The following USP38 variants were observed in gnomAD, a reference collection of about 807,000 sequenced individuals.
USP38 encodes ubiquitin carboxyl-terminal hydrolase 38.
USP38 carries 49 observed loss-of-function variants against 94.3 expected under a neutral mutation model. The observed-to-expected ratio is 0.52, with a 90% CI of 0.41 to 0.66. The LOEUF is 0.66. Ranked by LOEUF, USP38 falls within the 30% of genes least tolerant of loss-of-function variation. The pLI, the probability that USP38 is intolerant of heterozygous loss-of-function variation, is 0.00. For synonymous variants in USP38, 468 were observed against 463.6 expected, an observed-to-expected ratio of 1.01 and a Z score of -0.12; for missense variants, 1,128 against 1,229.4, an observed-to-expected ratio of 0.92 and a Z score of 1.23.
chr4:143,200,064 G>A (rs1443726064), intron 4 of USP38, among the ~76,000 whole-genome samples: 1 of 152,100 alleles, frequency 6.6e-6, no homozygotes, highest in East Asian at 1.9e-4. Context: ...GGATGGTATT[G>A]CCTAGGTTGT....
rs1731209709 is a variant in USP38 at position 143,185,967 on chromosome 4, C to T, written c.517C>T (p.Arg173Ter). 3 of 1,614,154 alleles carry T rather than the reference C, an allele frequency of 1.9e-6. No homozygotes were observed. Among genetic ancestry groups the T allele is most frequent in the Non-Finnish European group, 2.5e-6 (3 of 1,180,038 alleles). The change falls in exon 1 of 10, where the codon CGA (arginine) becomes TGA (stop). Residue 173 changes from arginine to a stop codon, truncating the protein, a stop_gained. Coordinates refer to ENST00000307017, the MANE Select transcript of USP38 (RefSeq NM_032557.6). LOFTEE classifies it high-confidence loss of function. ...LSITFCQQLV[R>*]TIGHFQCVST... ...CATCACGTTCTGTCAACAGCTGGTT[C>T]GAACGATAGGCCATTTCCAGTGCGT...
intron 3 of USP38, among the ~76,000 whole-genome samples, chr4:143,196,577 A>C (rs550732687): frequency 6.6e-6 from 1 of 152,166 alleles, no homozygotes; most frequent in Non-Finnish European, 1.5e-5. Flanking sequence ...TCACAGGCTT[A>C]TCAGTCTCCT....
chr4:143,204,423 T>A lies in USP38; in HGVS notation c.1209+857T>A, dbSNP rs758857356. ...TTTTTTTTTTTTTGGACAGTCTTGC[T>A]CTGTTGCCCAGGCTGAAGTGCAATG... On this transcript the variant is annotated intron_variant, in intron 5 of 9. Coordinates refer to ENST00000307017, the MANE Select transcript of USP38 (RefSeq NM_032557.6). 3.1e-5 allele frequency: 14 copies of A among 452,484 alleles called. 1 individual carries two copies. The highest frequency in any genetic ancestry group is 2.2e-4 in the South Asian group (14 of 64,094). 28.0% of individuals were successfully genotyped at this position (452,484 alleles called of 1,614,324 possible).
Position 143,213,967 on chromosome 4 carries a change from C to A in USP38, c.1991C>A (p.Thr664Lys), listed in dbSNP as rs921477903. The A allele has an allele frequency of 6.2e-7, 1 of 1,613,474 alleles. No homozygotes were observed. Among genetic ancestry groups the A allele is most frequent in the Admixed American group, 1.7e-5 (1 of 59,960 alleles). ...SEEPVVYNPT[T>K]AAFICDSLVN... ...GAACCAGTAGTTTATAATCCAACAA[C>A]AGCTGCCTTCATCTGTGACTCACTT... The change falls in exon 9 of 10, where the codon ACA becomes AAA. Residue 664 changes from threonine (T) to lysine (K), a missense_variant. Physicochemically the swap from Thr to Lys is moderately conservative, Grantham distance 78. Coordinates refer to ENST00000307017, the MANE Select transcript of USP38 (RefSeq NM_032557.6).
At chr4:143,195,564 C>A in intron 2 of USP38, 152 bp from the exon 3 acceptor site, 1 of 648,878 alleles carries the variant, frequency 1.5e-6, no homozygotes, top group Non-Finnish European at 2.4e-6. Context: ...GCACCTGTTA[C>A]ATTCACTTCT....
Position 143,185,667 on chromosome 4 carries a change from C to A in USP38, c.217C>A (p.Arg73=). 6.2e-7 allele frequency: 1 copy of A among 1,614,150 alleles called. No homozygotes were observed. The highest frequency in any genetic ancestry group is 8.5e-7 in the Non-Finnish European group (1 of 1,180,014). The change falls in exon 1 of 10, where the codon CGG becomes AGG. Residue 73 remains arginine, a synonymous_variant. Coordinates refer to ENST00000307017, the MANE Select transcript of USP38 (RefSeq NM_032557.6). ...QVLEAYARYH[R]PEFESFFNKT... ...GCTGGAGGCCTACGCACGATACCAC[C>A]GGCCAGAGTTCGAGTCCTTCTTCAA...
chr4:143,185,669 G>A lies in USP38; in HGVS notation c.219G>A (p.Arg73=). The A allele has an allele frequency of 6.2e-7, 1 of 1,614,186 alleles. No homozygotes were observed. The change falls in exon 1 of 10, where the codon CGG becomes CGA. Residue 73 remains arginine, a synonymous_variant. Transcript: ENST00000307017. ...TGGAGGCCTACGCACGATACCACCG[G>A]CCAGAGTTCGAGTCCTTCTTCAACA... ...QVLEAYARYH[R]PEFESFFNKT...
intron 3 of USP38, among the ~76,000 whole-genome samples, chr4:143,196,229 C>T (rs1481037897): frequency 6.6e-6 from 1 of 152,186 alleles, no homozygotes; most frequent in Non-Finnish European, 1.5e-5. Context: ...TGACTTGAAT[C>T]TGAGAGGCAG....
intron 4 of USP38, among the ~76,000 whole-genome samples, chr4:143,199,350 G>A (rs7654966): frequency 9.2e-5 from 14 of 152,270 alleles, no homozygotes; most frequent in Admixed American, 1.3e-4. Flanking sequence ...ATTCCATGGT[G>A]TATATGTACC....
At chr4:143,186,880 T>A (rs1731242834) in intron 1 of USP38, among the ~76,000 whole-genome samples, 1 of 152,160 alleles carries the variant, frequency 6.6e-6, no homozygotes, top group African/African-American at 2.4e-5. Flanking sequence ...TCATTTCCGC[T>A]CTACTTGGTA....
chr4:143,212,326 A>T lies in USP38; in HGVS notation c.1506A>T (p.Ala502=). 1 of 1,609,152 alleles carries T rather than the reference A, an allele frequency of 6.2e-7. No homozygotes were observed. Among genetic ancestry groups the T allele is most frequent in the Non-Finnish European group, 8.5e-7 (1 of 1,177,776 alleles). The change falls in exon 8 of 10, where the codon GCA becomes GCT. Residue 502 remains alanine (A), a synonymous_variant. Transcript: ENST00000307017. ...FAFLAHTQRE[A]YAPRIFFEAS... Reference sequence around the variant, plus strand: ...TCAATTGCTCTCAAAAGAGGGAAGCATACGCACCTCGGATATTCTTTGAGG... The same window carrying T: ...TCAATTGCTCTCAAAAGAGGGAAGCTTACGCACCTCGGATATTCTTTGAGG...
chr4:143,189,970 A>T (rs1200305569), intron 2 of USP38, among the ~76,000 whole-genome samples: 1 of 151,482 alleles, frequency 6.6e-6, no homozygotes, highest in Non-Finnish European at 1.5e-5. Context: ...ATCAGTTCTG[A>T]TCTGTATGTA....
intron 2 of USP38, among the ~76,000 whole-genome samples, chr4:143,189,985 A>G (rs1037396047): frequency 6.6e-6 from 1 of 151,874 alleles, no homozygotes; most frequent in African/African-American, 2.4e-5. Flanking sequence ...TATGTAGTTG[A>G]CTTCCAAGTC....
intron 2 of USP38, among the ~76,000 whole-genome samples, chr4:143,194,758 T>C (rs1581157696): frequency 6.6e-6 from 1 of 152,248 alleles, no homozygotes. Context: ...TCCAGCCGCC[T>C]TGGCTTCCCA....
intron 8 of USP38, 29 bp downstream of exon 8, chr4:143,212,453 G>C (rs1047688132): frequency 6.7e-7 from 1 of 1,497,888 alleles, no homozygotes; most frequent in Non-Finnish European, 9.1e-7. Flanking sequence ...ATTGTGATTT[G>C]AGTGTTGTCT....
intron 2 of USP38, among the ~76,000 whole-genome samples, chr4:143,193,442 G>A (rs1462593990): frequency 6.6e-6 from 1 of 152,200 alleles, no homozygotes; most frequent in South Asian, 2.1e-4. Context: ...ATATGCAAGT[G>A]TGTCTCTGCT....
At position 143,220,403 on chromosome 4, in the gene USP38, A is replaced by G. The variant is rs777482272; in HGVS notation, c.3076A>G (p.Thr1026Ala). 36 of 1,613,154 alleles carry G rather than the reference A, an allele frequency of 2.2e-5. 1 individual carries two copies. Among genetic ancestry groups the G allele is most frequent in the South Asian group, 1.9e-4 (17 of 91,056 alleles). The stretch of plus-strand genomic sequence containing the variant: ...CGACCCACCAGGAAGCTGTGGACCA[A>G]CTGGTGGAGGGGGTGGAGGAGGATT... ...DNDPPGSCGP[T>A]GGGGGGGFNT... Residue 1026 changes from threonine to alanine, a missense_variant, in exon 10 of 10, where the codon ACT (threonine) becomes GCT (alanine). Coordinates refer to ENST00000307017, the MANE Select transcript of USP38 (RefSeq NM_032557.6).
intron 6 of USP38, among the ~76,000 whole-genome samples, chr4:143,208,925 A>G (rs1012831491): frequency 1.3e-5 from 2 of 148,968 alleles, no homozygotes; most frequent in Admixed American, 6.7e-5. Context: ...ATTGGTGTAT[A>G]ATCTTATGTA....
intron 2 of USP38, among the ~76,000 whole-genome samples, chr4:143,192,550 C>CTTTTTTTT (rs35416730): frequency 1.1e-4 from 11 of 103,400 alleles, no homozygotes; most frequent in East Asian, 6.2e-4. Flanking sequence ...TCCCATATTA[C>CTTTTTTTT]TTTTTTTTTT....
Sources: gnomAD v4.1 joint callset for allele counts (sites outside exome capture counted in the v4.1 genomes callset) on GRCh38, gnomAD v4.1.1 for gene constraint, MANE v1.5 for transcripts, NCBI Gene and HGNC (gene_info 2026-07-23, HGNC 2026-07-21) for gene names.